The following PLCXD3 variants were observed in gnomAD, a reference collection of about 807,000 sequenced individuals.
PLCXD3 encodes the protein PI-PLC X domain-containing protein 3.
In PLCXD3, 19 loss-of-function variants were observed where a neutral mutation model predicts 25.5. The observed-to-expected ratio is 0.75, with a 90% CI of 0.52 to 1.09. The LOEUF is 1.09. Among genes scored for constraint, PLCXD3 ranks in the 50% least tolerant of loss-of-function variants. The pLI is 0.00. For synonymous variants in PLCXD3, 174 were observed against 137.6 expected (o/e 1.26, Z -1.85); for missense variants, 411 against 388.1 (o/e 1.06, Z -0.50).
In PLCXD3 at chr5:41,498,808, G is replaced by A. The variant is rs147319225; in HGVS notation, c.103+11616C>T. On this transcript the variant is annotated intron_variant, in intron 1 of 2. Coordinates refer to ENST00000377801, the MANE Select transcript of PLCXD3 (RefSeq NM_001005473.3). ...GCACATTAGAAGAATCATACACCAC[G>A]ATTAAGTGGGATTTATCCATTGGAG... 4.3e-4 allele frequency among the ~76,000 whole-genome samples: 66 copies of A among 151,834 alleles called. 2 individuals are homozygous for A. The South Asian group carries it at 0.012, about 28-fold the overall frequency.
intron 2 of PLCXD3, among the ~76,000 whole-genome samples, chr5:41,363,011 C>A (rs1186373972): frequency 2.6e-5 from 4 of 152,022 alleles, no homozygotes; most frequent in Non-Finnish European, 5.9e-5. Context: ...GTACATATGT[C>A]CATAGAAACT....
chr5:41,423,137 A>G (rs773450500), intron 1 of PLCXD3, among the ~76,000 whole-genome samples: 3 of 152,036 alleles, frequency 2.0e-5, no homozygotes, highest in African/African-American at 4.8e-5. Flanking sequence ...ATTTTAAACT[A>G]TTCTTGCATT....
intron 1 of PLCXD3, among the ~76,000 whole-genome samples, chr5:41,503,958 A>T (rs2111589419): frequency 6.6e-6 from 1 of 150,418 alleles, no homozygotes; most frequent in East Asian, 2.0e-4. Context: ...AAGCAACAGG[A>T]ATTAAAATGT....
At chr5:41,316,546 G>A (rs1242613874) in intron 2 of PLCXD3, among the ~76,000 whole-genome samples, 1 of 152,190 alleles carries the variant, frequency 6.6e-6, no homozygotes, top group Admixed American at 6.5e-5. Flanking sequence ...AGAGCACCAA[G>A]CAGACTCTTA....
intron 1 of PLCXD3, among the ~76,000 whole-genome samples, chr5:41,509,402 T>G (rs1468464403): frequency 6.6e-6 from 1 of 152,146 alleles, no homozygotes; most frequent in East Asian, 1.9e-4. Context: ...GTGTCCCAGC[T>G]GTCATTGTTG....
At chr5:41,431,165 C>A (rs1294753172) in intron 1 of PLCXD3, among the ~76,000 whole-genome samples, 1 of 152,192 alleles carries the variant, frequency 6.6e-6, no homozygotes, top group African/African-American at 2.4e-5. Flanking sequence ...GGGATTTTAT[C>A]TCTAACTGTC....
At chr5:41,486,946 T>C (rs1442080474) in intron 1 of PLCXD3, among the ~76,000 whole-genome samples, 2 of 152,100 alleles carry the variant, frequency 1.3e-5, no homozygotes, top group East Asian at 3.9e-4. Flanking sequence ...CCCCAACCGT[T>C]TTACAGATGT....
chr5:41,491,482 G>A (rs1456423478), intron 1 of PLCXD3, among the ~76,000 whole-genome samples: 7 of 152,072 alleles, frequency 4.6e-5, no homozygotes, highest in Non-Finnish European at 7.4e-5. Context: ...CAATTCCTGG[G>A]TATCCTTGTT....
At chr5:41,456,769 C>T (rs1747763346) in intron 1 of PLCXD3, among the ~76,000 whole-genome samples, 1 of 151,838 alleles carries the variant, frequency 6.6e-6, no homozygotes, top group South Asian at 2.1e-4. Context: ...AGCAAAAAGA[C>T]AGCCATCTAT....
At chr5:41,374,260 A>G (rs1432480922) in intron 2 of PLCXD3, among the ~76,000 whole-genome samples, 1 of 152,080 alleles carries the variant, frequency 6.6e-6, no homozygotes, top group African/African-American at 2.4e-5. Context: ...ATTAAATCAG[A>G]ATCTCTGAAA....
chr5:41,383,486 T>C (rs1322769223), intron 1 of PLCXD3, among the ~76,000 whole-genome samples: 1 of 152,162 alleles, frequency 6.6e-6, no homozygotes, highest in Non-Finnish European at 1.5e-5. Flanking sequence ...AGAAAAGTTA[T>C]GTCAAGGTTG....
chr5:41,413,846 C>T (rs1746626443), intron 1 of PLCXD3, among the ~76,000 whole-genome samples: 1 of 152,086 alleles, frequency 6.6e-6, no homozygotes, highest in South Asian at 2.1e-4. Flanking sequence ...CCATAAGATA[C>T]AAATATGTTT....
intron 2 of PLCXD3, among the ~76,000 whole-genome samples, chr5:41,365,868 G>C (rs952757049): frequency 6.6e-5 from 10 of 151,822 alleles, no homozygotes; most frequent in Non-Finnish European, 4.4e-5. Flanking sequence ...TTGTAAAATA[G>C]AGTTTTGAAG....
intron 2 of PLCXD3, among the ~76,000 whole-genome samples, chr5:41,364,811 T>A (rs1744890090): frequency 6.6e-6 from 1 of 152,218 alleles, no homozygotes. Flanking sequence ...GTTACTTCAA[T>A]AAGGGAGGGA....
At chr5:41,404,167 ACAGT>A (rs1325898410) in intron 1 of PLCXD3, among the ~76,000 whole-genome samples, 1 of 152,152 alleles carries the variant, frequency 6.6e-6, no homozygotes, top group African/African-American at 2.4e-5. Flanking sequence ...GCTCAAATTT[ACAGT>A]CAGTCAGTAA....
chr5:41,403,808 T>G (rs1386741082), intron 1 of PLCXD3, among the ~76,000 whole-genome samples: 1 of 148,772 alleles, frequency 6.7e-6, no homozygotes, highest in East Asian at 2.0e-4. Flanking sequence ...CTATCATTGT[T>G]GGACATTTGG....
intron 1 of PLCXD3, among the ~76,000 whole-genome samples, chr5:41,506,256 T>C (rs1298737807): frequency 1.3e-5 from 2 of 152,222 alleles, no homozygotes; most frequent in African/African-American, 2.4e-5. Flanking sequence ...AAATAGCATA[T>C]ATAACACTTT....
chr5:41,335,157 C>T (rs1204199195), intron 2 of PLCXD3, among the ~76,000 whole-genome samples: 1 of 152,160 alleles, frequency 6.6e-6, no homozygotes, highest in Non-Finnish European at 1.5e-5. Flanking sequence ...AGCTCAAAAG[C>T]AATTTACCTT....
At chr5:41,471,735 A>T (rs1332463718) in intron 1 of PLCXD3, among the ~76,000 whole-genome samples, 1 of 151,602 alleles carries the variant, frequency 6.6e-6, no homozygotes, top group Non-Finnish European at 1.5e-5. Context: ...TATAAAGGCT[A>T]AATGATTAAC....
Sources: gnomAD v4.1 joint callset for allele counts (sites outside exome capture counted in the v4.1 genomes callset) on GRCh38, gnomAD v4.1.1 for gene constraint, MANE v1.5 for transcripts, NCBI Gene and HGNC (gene_info 2026-07-23, HGNC 2026-07-21) for gene names.